Variants in HDGFL3 observed in about 807,000 individuals in gnomAD.
HDGFL3 encodes the protein HDGF like 3.
In HDGFL3, 6 loss-of-function variants were observed where a neutral mutation model predicts 27.6. The observed-to-expected ratio is 0.22, with a 90% CI of 0.12 to 0.43. The LOEUF (loss-of-function observed/expected upper bound fraction) is 0.43, where lower values mean the gene tolerates loss of function less well. Ranked by LOEUF, HDGFL3 falls within the 20% of genes least tolerant of loss-of-function variation. The pLI, the probability that HDGFL3 is intolerant of heterozygous loss-of-function variation, is 1.00. For missense variants in HDGFL3, 207 were observed against 250.1 expected (o/e 0.83, Z 1.16); for synonymous variants, 88 against 88.9 (o/e 0.99, Z 0.05).
At position 83,129,032 on chromosome 15, in the gene HDGFL3, T is replaced by C. The variant is rs2036010319; in HGVS notation, c.*10238A>G. ...TTTTTAAAGAGATGGGATCTTATTTTGTTGCCCAGCTTATTCTCAAATGCC... is the reference window on the plus strand; with the variant it reads ...TTTTTAAAGAGATGGGATCTTATTTCGTTGCCCAGCTTATTCTCAAATGCC... On this transcript the variant is annotated 3_prime_UTR_variant, in exon 6 of 6. Coordinates refer to ENST00000299633, the MANE Select transcript of HDGFL3 (RefSeq NM_016073.4). 1 of 152,202 alleles carries C rather than the reference T, an allele frequency of 6.6e-6. No homozygotes were observed. Among genetic ancestry groups the C allele is most frequent in the Admixed American group, 6.5e-5 (1 of 15,282 alleles). 9.4% of individuals were successfully genotyped at this position (152,202 alleles called of 1,614,324 possible). A position where few individuals can be genotyped will look rare whatever the true frequency, so the allele number is the denominator to read the frequency against.
intron 1 of HDGFL3, chr15:83,184,551 T>G: frequency 6.6e-6 from 1 of 152,178 alleles, no homozygotes; most frequent in East Asian, 1.9e-4. Context: ...TATAAAATAT[T>G]TTATCTATTC....
intron 1 of HDGFL3, among the ~76,000 whole-genome samples, chr15:83,200,945 T>G (rs1258510119): frequency 6.6e-6 from 1 of 151,638 alleles, no homozygotes; most frequent in East Asian, 1.9e-4. Context: ...AATTCTTATC[T>G]AGGTAAAAAG....
chr15:83,187,518 T>C (rs1372771363), intron 1 of HDGFL3, among the ~76,000 whole-genome samples: 2 of 152,178 alleles, frequency 1.3e-5, no homozygotes, highest in Non-Finnish European at 2.9e-5. Flanking sequence ...AATACAGCAA[T>C]TGGATAACCT....
chr15:83,121,733 A>G (rs2035266395), intron 3 of HDGFL3, among the ~76,000 whole-genome samples: 1 of 152,250 alleles, frequency 6.6e-6, no homozygotes, highest in South Asian at 2.1e-4. Context: ...AAGGTTCTAT[A>G]GTATATCACA....
intron 1 of HDGFL3, among the ~76,000 whole-genome samples, chr15:83,200,260 G>A (rs1423984581): frequency 6.6e-6 from 1 of 150,966 alleles, no homozygotes; most frequent in Non-Finnish European, 1.5e-5. Context: ...GCAGGAACCC[G>A]GGAGGCGGAG....
chr15:83,131,576 G>A lies in HDGFL3; in HGVS notation c.*7694C>T, dbSNP rs1273511080. 3 of 152,780 alleles carry A rather than the reference G, an allele frequency of 2.0e-5. No homozygotes were observed. The highest frequency in any genetic ancestry group is 2.4e-5 in the African/African-American group (1 of 41,574). The allele number at this position is 152,780 out of a possible 1,614,324, so 9.5% of individuals were successfully genotyped here. A position where few individuals can be genotyped will look rare whatever the true frequency, so the allele number is the denominator to read the frequency against. On this transcript the variant is annotated 3_prime_UTR_variant, in exon 6 of 6. Transcript: ENST00000299633. The stretch of plus-strand genomic sequence containing the variant: ...GAACCTGGGAGGCAGAGGCTGCAGT[G>A]TGCCAAGATCACGCCCACTACACTG...
At chr15:83,178,809 C>A (rs913031074) in intron 1 of HDGFL3, among the ~76,000 whole-genome samples, 3 of 152,158 alleles carry the variant, frequency 2.0e-5, no homozygotes, top group African/African-American at 7.2e-5. Context: ...TATGCTCCTA[C>A]GTTAAATCAG....
In HDGFL3 at chr15:83,136,617, G is replaced by A; in HGVS notation, c.*2653C>T. 1 of 1,612,012 alleles carries A rather than the reference G, an allele frequency of 6.2e-7. No homozygotes were observed. The highest frequency in any genetic ancestry group is 2.2e-5 in the East Asian group (1 of 44,846). Reference sequence around the variant, plus strand: ...CTTCCTCAGCTCTTGGCCTATCGTTGTATCTACAAACCAGAGTTCTTCATA... The same window carrying A: ...CTTCCTCAGCTCTTGGCCTATCGTTATATCTACAAACCAGAGTTCTTCATA... On this transcript the variant is annotated 3_prime_UTR_variant, in exon 6 of 6. Coordinates refer to ENST00000299633, the MANE Select transcript of HDGFL3 (RefSeq NM_016073.4).
rs2036639654 is a variant in HDGFL3 at position 83,136,740 on chromosome 15, C to G, written c.*2530G>C. On this transcript the variant is annotated 3_prime_UTR_variant, in exon 6 of 6. Transcript: ENST00000299633. Reference sequence around the variant, plus strand: ...GTTATACTGGTACTGATATTTTGTCCCATTTCACTCTCTTCTCATACGTGA... The same window carrying G: ...GTTATACTGGTACTGATATTTTGTCGCATTTCACTCTCTTCTCATACGTGA... 1.5e-6 allele frequency: 2 copies of G among 1,328,088 alleles called. No individual in the cohort carries two copies. Among genetic ancestry groups the G allele is most frequent in the Non-Finnish European group, 2.1e-6 (2 of 959,834 alleles). 82.3% of individuals were successfully genotyped at this position (1,328,088 alleles called of 1,614,324 possible). A position where few individuals can be genotyped will look rare whatever the true frequency, so the allele number is the denominator to read the frequency against.
intron 5 of HDGFL3, chr15:83,144,846 T>C: frequency 3.3e-6 from 1 of 298,658 alleles, no homozygotes; most frequent in South Asian, 3.2e-5. Context: ...TAAATGCTGC[T>C]TTAAGTCACT....
At position 83,207,542 on chromosome 15, in the gene HDGFL3, G is replaced by A. The variant is rs1169423826; in HGVS notation, c.-128C>T. On this transcript the variant is annotated 5_prime_UTR_variant, in exon 1 of 6. Transcript: ENST00000299633. This position sits in a 1 kb window ranked among gnomAD's most constrained non-coding sequence, Gnocchi z 4.8. Reference sequence around the variant, plus strand: ...AGCCGGGCGGACGAGCGGCCGCTCCGACGAGGGGAAGCGGCGAGGCGGCGG... The same window carrying A: ...AGCCGGGCGGACGAGCGGCCGCTCCAACGAGGGGAAGCGGCGAGGCGGCGG... 4 of 661,110 alleles carry A rather than the reference G, an allele frequency of 6.1e-6. No homozygotes were observed. The African/African-American group carries it at 7.6e-5, about 13-fold the overall frequency. The allele number at this position is 661,110 out of a possible 1,614,324, so 41.0% of individuals were successfully genotyped here.
intron 1 of HDGFL3, among the ~76,000 whole-genome samples, chr15:83,197,812 T>A (rs1466083152): frequency 1.3e-5 from 2 of 152,070 alleles, no homozygotes; most frequent in African/African-American, 4.8e-5. Context: ...ACGCCTGTAA[T>A]CCCAGCACTT....
intron 1 of HDGFL3, among the ~76,000 whole-genome samples, chr15:83,194,260 A>G (rs546413174): frequency 1.3e-5 from 2 of 152,204 alleles, no homozygotes; most frequent in Non-Finnish European, 2.9e-5. Flanking sequence ...TTGGACATAC[A>G]TGAGCCTCAA....
chr15:83,140,569 C>T (rs2036749222), intron 5 of HDGFL3, among the ~76,000 whole-genome samples: 1 of 150,556 alleles, frequency 6.6e-6, no homozygotes, highest in South Asian at 2.1e-4. Flanking sequence ...GCAACCTCCA[C>T]CTCCCCGGTT....
chr15:83,131,996 A>G lies in HDGFL3; in HGVS notation c.*7274T>C, dbSNP rs1225357178. The G allele has an allele frequency of 1.3e-5, 2 of 152,240 alleles. No homozygotes were observed. The highest frequency in any genetic ancestry group is 4.8e-5 in the African/African-American group (2 of 41,464). The allele number at this position is 152,240 out of a possible 1,614,324, so 9.4% of individuals were successfully genotyped here. ...CAGTAGAGTTCATATAGTTAGGAAC[A>G]TAAGCTCTGGAGGTGAACTGGTTCA... On this transcript the variant is annotated 3_prime_UTR_variant, in exon 6 of 6. Coordinates refer to ENST00000299633, the MANE Select transcript of HDGFL3 (RefSeq NM_016073.4).
In HDGFL3 at chr15:83,133,723, T is replaced by C. The variant is rs2036422069; in HGVS notation, c.*5547A>G. On this transcript the variant is annotated 3_prime_UTR_variant, in exon 6 of 6. Coordinates refer to ENST00000299633, the MANE Select transcript of HDGFL3 (RefSeq NM_016073.4). ...CTTCAGGTCCTGCCATGAGAGGCCT[T>C]GTGCTGCTGGGAACATCACCCAGGA... is the stretch of plus-strand genomic sequence containing the variant. 1 of 152,280 alleles carries C rather than the reference T, an allele frequency of 6.6e-6. No individual in the cohort carries two copies. The highest frequency in any genetic ancestry group is 1.5e-5 in the Non-Finnish European group (1 of 68,062). 9.4% of individuals were successfully genotyped at this position (152,280 alleles called of 1,614,324 possible).
At chr15:83,201,004 G>T (rs528351909) in intron 1 of HDGFL3, among the ~76,000 whole-genome samples, 7 of 151,982 alleles carry the variant, frequency 4.6e-5, no homozygotes, top group African/African-American at 1.7e-4. Context: ...TTCAATGAGG[G>T]TACTTTTATG....
intron 4 of HDGFL3, among the ~76,000 whole-genome samples, chr15:83,152,057 A>C (rs1217179917): frequency 1.3e-5 from 2 of 152,190 alleles, no homozygotes; most frequent in Non-Finnish European, 2.9e-5. Context: ...AATTATAGAA[A>C]GCTGGCCCCA....
intron 1 of HDGFL3, among the ~76,000 whole-genome samples, chr15:83,186,260 T>C (rs567944263): frequency 6.6e-5 from 10 of 152,334 alleles, no homozygotes; most frequent in South Asian, 2.1e-4. Context: ...ATATAATTAA[T>C]ATGGAGTAGC....
Sources: allele counts gnomAD v4.1 joint callset (sites outside exome capture counted in the v4.1 genomes callset), GRCh38; gene constraint gnomAD v4.1.1; non-coding constraint Gnocchi (gnomAD v3.1); transcripts MANE v1.5; gene names NCBI Gene and HGNC (gene_info 2026-07-23, HGNC 2026-07-21).